The following DIP2B variants were observed in gnomAD, a reference collection of about 807,000 sequenced individuals.
The protein encoded by DIP2B is disco-interacting protein 2 homolog B.
A neutral mutation model predicts 198.0 loss-of-function variants in DIP2B; 76 were observed. That is an observed-to-expected ratio of 0.38 (90% confidence interval 0.32 to 0.46). The LOEUF (loss-of-function observed/expected upper bound fraction) is 0.46. Among genes scored for constraint, DIP2B ranks in the 20% least tolerant of loss-of-function variants. The pLI, the probability that DIP2B is intolerant of heterozygous loss-of-function variation, is 0.99. For synonymous variants in DIP2B, 701 were observed against 739.1 expected, an observed-to-expected ratio of 0.95 and a Z score of 0.84; for missense variants, 1,559 against 1,978.4, an observed-to-expected ratio of 0.79 and a Z score of 4.02.
intron 19 of DIP2B, among the ~76,000 whole-genome samples, chr12:50,699,742 G>A (rs1939383737): frequency 6.6e-6 from 1 of 151,944 alleles, no homozygotes; most frequent in Admixed American, 6.6e-5. Context: ...GCATGGCTGT[G>A]GTCCCAGCTA....
intron 1 of DIP2B, among the ~76,000 whole-genome samples, chr12:50,600,597 A>G (rs1958926050): frequency 6.6e-6 from 1 of 152,084 alleles, no homozygotes; most frequent in Admixed American, 6.6e-5. Flanking sequence ...TATCTACTGA[A>G]AGAGGTAGAT....
chr12:50,575,659 C>T (rs1265734389), intron 1 of DIP2B, among the ~76,000 whole-genome samples: 1 of 152,112 alleles, frequency 6.6e-6, no homozygotes, highest in Non-Finnish European at 1.5e-5. Context: ...GCTGGGATTA[C>T]AGGTGCCTGT....
chr12:50,631,341 C>T (rs1431274968), intron 2 of DIP2B, among the ~76,000 whole-genome samples: 6 of 152,186 alleles, frequency 3.9e-5, no homozygotes, highest in Non-Finnish European at 8.8e-5. Flanking sequence ...ATTCTCCTGC[C>T]TCAGCCTCCC....
In DIP2B at chr12:50,566,832, C is replaced by T. The variant is rs569632074; in HGVS notation, c.101-59144C>T. Among the ~76,000 whole-genome samples, 13 of 152,062 alleles carry T rather than the reference C, an allele frequency of 8.5e-5. No homozygotes were observed. The East Asian group carries it at 9.7e-4, about 11-fold the overall frequency. On this transcript the variant is annotated intron_variant, in intron 1 of 37. Transcript: ENST00000301180. Reference sequence around the variant, plus strand: ...AACAAAATACAAAAAATTAGCCAGGCGTGGTGGCGGGCGCCTGTAGTCCCA... The same window carrying T: ...AACAAAATACAAAAAATTAGCCAGGTGTGGTGGCGGGCGCCTGTAGTCCCA...
At chr12:50,670,886 A>G (rs768953491) in intron 4 of DIP2B, among the ~76,000 whole-genome samples, 2 of 152,242 alleles carry the variant, frequency 1.3e-5, no homozygotes, top group Non-Finnish European at 1.5e-5. Context: ...TAGATGGACT[A>G]GAAAAATTTA....
chr12:50,526,089 G>A (rs1593579955), intron 1 of DIP2B, among the ~76,000 whole-genome samples: 1 of 152,080 alleles, frequency 6.6e-6, no homozygotes. Flanking sequence ...TTACTGTCTT[G>A]TTCCCTGCTG....
intron 1 of DIP2B, among the ~76,000 whole-genome samples, chr12:50,580,709 G>A (rs1958717923): frequency 6.7e-6 from 1 of 148,250 alleles, no homozygotes; most frequent in Admixed American, 7.0e-5. Context: ...ATTTGGCAAG[G>A]TCTAGAGACA....
Position 50,718,952 on chromosome 12 carries a change from C to A in DIP2B, c.2962-3C>A. On this transcript the variant is annotated splice_polypyrimidine_tract_variant and splice_region_variant and intron_variant, in intron 24 of 37. Coordinates refer to ENST00000301180, the MANE Select transcript of DIP2B (RefSeq NM_173602.3). ...GAGTCCTTTTTCTGGTTTATGACTT[C>A]AGCACCAGTTTCTGGCAGAGATCCT... The A allele has an allele frequency of 6.2e-7, 1 of 1,614,164 alleles. No homozygotes were observed. The highest frequency in any genetic ancestry group is 1.1e-5 in the South Asian group (1 of 91,078).
At chr12:50,688,100 T>C (rs886458027) in intron 12 of DIP2B, among the ~76,000 whole-genome samples, 4 of 151,978 alleles carry the variant, frequency 2.6e-5, no homozygotes, top group African/African-American at 9.7e-5. Flanking sequence ...TAGTCCCAGC[T>C]GCTTGGGAGG....
chr12:50,521,402 G>T (rs895624372), intron 1 of DIP2B, among the ~76,000 whole-genome samples: 4 of 151,392 alleles, frequency 2.6e-5, no homozygotes, highest in African/African-American at 9.7e-5. Flanking sequence ...ACTGTGCCCA[G>T]CTCAGCAACA....
intron 1 of DIP2B, among the ~76,000 whole-genome samples, chr12:50,557,238 A>C (rs1958479590): frequency 6.6e-6 from 1 of 152,202 alleles, no homozygotes; most frequent in African/African-American, 2.4e-5. Flanking sequence ...GAAGAAGCAA[A>C]TGGGAGAGGG....
At chr12:50,566,098 A>G (rs1958561072) in intron 1 of DIP2B, among the ~76,000 whole-genome samples, 1 of 152,112 alleles carries the variant, frequency 6.6e-6, no homozygotes, top group African/African-American at 2.4e-5. Flanking sequence ...GCTGGAGTGC[A>G]GTGGCATGAT....
chr12:50,510,648 C>CTTT (rs1337592696), intron 1 of DIP2B, among the ~76,000 whole-genome samples: 2 of 142,592 alleles, frequency 1.4e-5, no homozygotes, highest in Non-Finnish European at 3.0e-5. Context: ...AAAGTACCAC[C>CTTT]TTTTTTTTTT....
intron 1 of DIP2B, among the ~76,000 whole-genome samples, chr12:50,533,735 A>G (rs1372151141): frequency 6.6e-6 from 1 of 151,794 alleles, no homozygotes; most frequent in Non-Finnish European, 1.5e-5. Flanking sequence ...CAGCCTCCCA[A>G]GTGGGCACCA....
At chr12:50,554,463 T>C (rs982444259) in intron 1 of DIP2B, among the ~76,000 whole-genome samples, 2 of 152,224 alleles carry the variant, frequency 1.3e-5, no homozygotes, top group Admixed American at 1.3e-4. Context: ...TTGTCATTGA[T>C]ATGTCTCTAT....
intron 2 of DIP2B, among the ~76,000 whole-genome samples, chr12:50,633,602 A>C (rs1388387229): frequency 6.6e-6 from 1 of 152,088 alleles, no homozygotes; most frequent in Non-Finnish European, 1.5e-5. Flanking sequence ...TCATCTCTAC[A>C]AAAAAATCAA....
At chr12:50,517,120 C>T (rs925670675) in intron 1 of DIP2B, among the ~76,000 whole-genome samples, 5 of 151,942 alleles carry the variant, frequency 3.3e-5, no homozygotes, top group South Asian at 2.1e-4. Flanking sequence ...GGGGTTTCAC[C>T]GTGTTAGCCA....
At chr12:50,665,794 T>A (rs1308015829) in intron 4 of DIP2B, among the ~76,000 whole-genome samples, 1 of 151,304 alleles carries the variant, frequency 6.6e-6, no homozygotes, top group Non-Finnish European at 1.5e-5. Flanking sequence ...AAAAAAAAAT[T>A]CCTCTTTCCC....
intron 1 of DIP2B, among the ~76,000 whole-genome samples, chr12:50,512,295 C>T (rs550620318): frequency 1.6e-4 from 25 of 151,742 alleles, no homozygotes; most frequent in Admixed American, 3.3e-4. Context: ...TTAGTAGAGA[C>T]GGGGTTTCAC....
Sources: gnomAD v4.1 joint callset for allele counts (sites outside exome capture counted in the v4.1 genomes callset) on GRCh38, gnomAD v4.1.1 for gene constraint, MANE v1.5 for transcripts, NCBI Gene and HGNC (gene_info 2026-07-23, HGNC 2026-07-21) for gene names.